LRPPRC: variants seen among roughly 807,000 people sequenced by gnomAD.
LRPPRC encodes leucine rich pentatricopeptide repeat containing, also known as leucine-rich PPR motif-containing protein, mitochondrial.
Under a neutral mutation model 180.3 loss-of-function variants are expected in LRPPRC, and 120 were observed. That is an observed-to-expected ratio of 0.67 (90% CI 0.57 to 0.77). LRPPRC has a LOEUF of 0.77. Among genes scored for constraint, LRPPRC ranks in the 30% least tolerant of loss-of-function variants. The pLI is 0.00. For missense variants in LRPPRC, 2,012 were observed against 1,657.2 expected (o/e 1.21, Z -3.72); for synonymous variants, 723 against 600.0 (o/e 1.21, Z -3.00).
At chr2:43,968,879 C>T (rs1314235656) in intron 11 of LRPPRC, among the ~76,000 whole-genome samples, 1 of 152,184 alleles carries the variant, frequency 6.6e-6, no homozygotes, top group African/African-American at 2.4e-5. Flanking sequence ...CCTCACCACA[C>T]TCATGCACAC....
intron 1 of LRPPRC, among the ~76,000 whole-genome samples, chr2:43,991,171 A>G (rs1004234965): frequency 6.6e-6 from 1 of 151,776 alleles, no homozygotes; most frequent in Non-Finnish European, 1.5e-5. Context: ...CTGGGACTAC[A>G]GGCGCCCGCC....
intron 30 of LRPPRC, among the ~76,000 whole-genome samples, chr2:43,909,699 G>C (rs891926406): frequency 1.3e-5 from 2 of 151,852 alleles, no homozygotes; most frequent in African/African-American, 4.8e-5. Context: ...TTGTGGCCTT[G>C]AAGTAGGCAA....
intron 23 of LRPPRC, among the ~76,000 whole-genome samples, chr2:43,941,667 G>A (rs1044867485): frequency 2.0e-5 from 3 of 151,874 alleles, no homozygotes; most frequent in African/African-American, 7.2e-5. Flanking sequence ...TTTTACTCCA[G>A]GCATTTCCCC....
At chr2:43,937,651 T>A (rs904723740) in intron 23 of LRPPRC, among the ~76,000 whole-genome samples, 1 of 152,184 alleles carries the variant, frequency 6.6e-6, no homozygotes, top group Non-Finnish European at 1.5e-5. Flanking sequence ...TTTCTAGAAG[T>A]GGTGATGAAA....
At chr2:43,972,733 T>G (rs1297137280) in intron 11 of LRPPRC, among the ~76,000 whole-genome samples, 1 of 152,204 alleles carries the variant, frequency 6.6e-6, no homozygotes, top group Admixed American at 6.5e-5. Flanking sequence ...GGCTGTACAT[T>G]TAAAATAAAA....
intron 25 of LRPPRC, among the ~76,000 whole-genome samples, chr2:43,932,235 C>G (rs1672119017): frequency 7.3e-6 from 1 of 137,540 alleles, no homozygotes; most frequent in South Asian, 2.4e-4. Flanking sequence ...AACAAAAAAA[C>G]AGGTGATATT....
chr2:43,987,491 CAAA>C (rs34151335), intron 1 of LRPPRC, among the ~76,000 whole-genome samples: 1 of 75,926 alleles, frequency 1.3e-5, no homozygotes, highest in Admixed American at 1.8e-4. Context: ...CCAGACTCCT[CAAA>C]AAAAAAAAAA....
chr2:43,967,267 G>A (rs188900341), intron 11 of LRPPRC, among the ~76,000 whole-genome samples: 13 of 151,966 alleles, frequency 8.6e-5, no homozygotes, highest in Admixed American at 7.8e-4. Context: ...AGCCAGCCAT[G>A]GTAATATGAG....
chr2:43,932,814 A>G (rs1672137537), intron 25 of LRPPRC, among the ~76,000 whole-genome samples: 1 of 152,212 alleles, frequency 6.6e-6, no homozygotes, highest in Non-Finnish European at 1.5e-5. Flanking sequence ...CTTGTCCATT[A>G]TCACATAAGC....
Position 43,934,172 on chromosome 2 carries a change from C to T in LRPPRC, c.2736+18G>A, listed in dbSNP as rs1558965636. On this transcript the variant is annotated intron_variant, in intron 25 of 37. Transcript: ENST00000260665. ...TCTAAATAGCTCTACAATTAGAACA[C>T]TGTAGTTAAAATCACACCTCAATGA... The T allele has an allele frequency of 1.8e-5, 24 of 1,365,534 alleles. No homozygotes were observed. Among genetic ancestry groups the T allele is most frequent in the Non-Finnish European group, 2.4e-5 (23 of 954,296 alleles). 84.6% of individuals were successfully genotyped at this position (1,365,534 alleles called of 1,614,324 possible). A position where few individuals can be genotyped will look rare whatever the true frequency, so the allele number is the denominator to read the frequency against.
chr2:43,974,564 G>T, intron 8 of LRPPRC, 50 bp downstream of exon 8: 1 of 1,236,474 alleles, frequency 8.1e-7, no homozygotes, highest in Non-Finnish European at 1.2e-6. Context: ...TGTAAGAATA[G>T]CAATTCAGAT....
At chr2:43,917,042 C>CTTTTT (rs1206227556) in intron 29 of LRPPRC, among the ~76,000 whole-genome samples, 1 of 119,028 alleles carries the variant, frequency 8.4e-6, no homozygotes, top group African/African-American at 3.1e-5. Flanking sequence ...ACTAGATTTG[C>CTTTTT]TTTTTTTTTT....
intron 14 of LRPPRC, among the ~76,000 whole-genome samples, chr2:43,956,612 G>A (rs1306810384): frequency 6.6e-6 from 1 of 152,066 alleles, no homozygotes; most frequent in African/African-American, 2.4e-5. Context: ...TACAGAGGAT[G>A]GGCACAGTGG....
chr2:43,963,311 G>A (rs1278051855), intron 12 of LRPPRC, among the ~76,000 whole-genome samples: 1 of 151,954 alleles, frequency 6.6e-6, no homozygotes, highest in Non-Finnish European at 1.5e-5. Flanking sequence ...AGCCATGGTG[G>A]CGCATGCCTG....
chr2:43,934,549 A>AT (rs1672203682), intron 24 of LRPPRC, among the ~76,000 whole-genome samples: 3 of 152,160 alleles, frequency 2.0e-5, no homozygotes, highest in Middle Eastern at 3.4e-3. Context: ...AATAACAGAC[A>AT]TTTTTTCAAA....
At chr2:43,924,180 C>A in intron 27 of LRPPRC, among the ~76,000 whole-genome samples, 1 of 151,988 alleles carries the variant, frequency 6.6e-6, no homozygotes, top group African/African-American at 2.4e-5. Context: ...GGGAAATTTG[C>A]CAAGAGAAAA....
chr2:43,993,251 A>G (rs937008547), intron 1 of LRPPRC, among the ~76,000 whole-genome samples: 1 of 152,230 alleles, frequency 6.6e-6, no homozygotes, highest in Non-Finnish European at 1.5e-5. Context: ...ACAGCTATCA[A>G]TGAATGGCTC....
intron 6 of LRPPRC, among the ~76,000 whole-genome samples, chr2:43,975,670 C>T (rs955621818): frequency 5.3e-5 from 8 of 151,698 alleles, no homozygotes; most frequent in African/African-American, 1.9e-4. Context: ...GCAACCTCTG[C>T]CTCCCGGGTT....
In LRPPRC at chr2:43,956,072, GA is replaced by G. The variant is rs1303436043; in HGVS notation, c.1649+1312del. On this transcript the variant is annotated intron_variant, in intron 14 of 37. Transcript: ENST00000260665. ...ATGCTTAATCTGAGTCTCATCATGGGAAAAAAAAAAAAACAGAAAAATACAA... is the reference window on the plus strand; with the variant it reads ...ATGCTTAATCTGAGTCTCATCATGGGAAAAAAAAAAAACAGAAAAATACAA... Among the ~76,000 whole-genome samples the G allele has an allele frequency of 2.1e-3, 262 of 126,480 alleles. 1 individual carries two copies. Among genetic ancestry groups the G allele is most frequent in the South Asian group, 6.6e-3 (26 of 3,956 alleles). The allele number at this position is 126,480 out of a possible 152,430, so 83.0% of individuals were successfully genotyped here.
Sources: gnomAD v4.1 joint callset for allele counts (sites outside exome capture counted in the v4.1 genomes callset) on GRCh38, gnomAD v4.1.1 for gene constraint, MANE v1.5 for transcripts, NCBI Gene and HGNC (gene_info 2026-07-23, HGNC 2026-07-21) for gene names.